CADM2: variants seen among roughly 807,000 people sequenced by gnomAD.
CADM2 encodes immunoglobulin superfamily member 4D.
CADM2 carries 12 observed loss-of-function variants against 49.8 expected under a neutral mutation model. The observed-to-expected ratio is 0.24, with a 90% CI of 0.15 to 0.39. The LOEUF (loss-of-function observed/expected upper bound fraction) is 0.39. Among genes scored for constraint, CADM2 ranks in the 10% least tolerant of loss-of-function variants. The pLI, the probability that CADM2 is intolerant of heterozygous loss-of-function variation, is 1.00. For synonymous variants in CADM2, 214 were observed against 175.4 expected (o/e 1.22, Z -1.74); for missense variants, 378 against 492.3 (o/e 0.77, Z 2.20).
intron 1 of CADM2, among the ~76,000 whole-genome samples, chr3:85,260,895 A>T (rs1297441903): frequency 6.6e-6 from 1 of 152,156 alleles, no homozygotes; most frequent in Non-Finnish European, 1.5e-5. Context: ...ATCCGTGAGG[A>T]TATCTCTAAT....
intron 1 of CADM2, among the ~76,000 whole-genome samples, chr3:85,033,197 T>G (rs951695428): frequency 5.3e-5 from 8 of 152,218 alleles, no homozygotes; most frequent in Non-Finnish European, 8.8e-5. Context: ...AATTAACTAG[T>G]TGTGAGGACA....
At chr3:85,230,264 A>C (rs371870517) in intron 1 of CADM2, among the ~76,000 whole-genome samples, 1 of 152,116 alleles carries the variant, frequency 6.6e-6, no homozygotes, top group Non-Finnish European at 1.5e-5. Flanking sequence ...TATTATTTGG[A>C]TGGATGTGGA....
At chr3:85,769,784 G>A (rs922886397) in intron 2 of CADM2, among the ~76,000 whole-genome samples, 9 of 150,760 alleles carry the variant, frequency 6.0e-5, no homozygotes, top group Admixed American at 3.3e-4. Flanking sequence ...TTGGTTTTGC[G>A]TGATTTTGAC....
intron 1 of CADM2, among the ~76,000 whole-genome samples, chr3:85,608,425 T>A (rs59920168): frequency 0.042 from 6,433 of 152,192 alleles, 453 homozygotes; most frequent in African/African-American, 0.15. Flanking sequence ...AAAGGCTTAT[T>A]TTTGTTTACA....
At chr3:85,086,189 C>G (rs2037366351) in intron 1 of CADM2, among the ~76,000 whole-genome samples, 1 of 152,030 alleles carries the variant, frequency 6.6e-6, no homozygotes, top group African/African-American at 2.4e-5. Context: ...TAAAAATTCT[C>G]AAGAATAGGC....
intron 1 of CADM2, among the ~76,000 whole-genome samples, chr3:85,601,126 G>A (rs1388626426): frequency 1.0e-4 from 4 of 39,010 alleles, no homozygotes; most frequent in South Asian, 1.1e-3. Flanking sequence ...ATTTATATAT[G>A]TGTGTATATA....
At chr3:85,149,008 C>T (rs765216915) in intron 1 of CADM2, among the ~76,000 whole-genome samples, 29 of 151,686 alleles carry the variant, frequency 1.9e-4, no homozygotes, top group African/African-American at 6.3e-4. Flanking sequence ...TCTCCCAATA[C>T]GTGACTGTCT....
intron 1 of CADM2, among the ~76,000 whole-genome samples, chr3:85,100,741 A>C (rs775815315): frequency 1.3e-5 from 2 of 152,244 alleles, no homozygotes; most frequent in Non-Finnish European, 2.9e-5. Flanking sequence ...GAATTATCAC[A>C]GATAAAGAGA....
At chr3:85,029,670 A>T (rs2034892310) in intron 1 of CADM2, among the ~76,000 whole-genome samples, 1 of 152,168 alleles carries the variant, frequency 6.6e-6, no homozygotes, top group African/African-American at 2.4e-5. Flanking sequence ...AAAGAGTGAG[A>T]GGCTTTTATC....
rs2039479171 is a variant in CADM2, at chr3:85,487,623, T to TGGAGGAGGAGGACGAAGAGGAGGA, written c.62-238886_62-238863dup. Among the ~76,000 whole-genome samples, 20 of 122,496 alleles carry TGGAGGAGGAGGACGAAGAGGAGGA rather than the reference T, an allele frequency of 1.6e-4. No individual in the cohort carries two copies. In the South Asian group the frequency reaches 5.4e-3, roughly 33 times the overall value. 80.4% of individuals were successfully genotyped at this position (122,496 alleles called of 152,430 possible). A position where few individuals can be genotyped will look rare whatever the true frequency, so the allele number is the denominator to read the frequency against. ...GAAGTGGAGGAGGAGGAGGAGGAAG[T>TGGAGGAGGAGGACGAAGAGGAGGA]GGAGGAGGAGGACGAAGAGGAGGAG... On this transcript the variant is annotated intron_variant, in intron 1 of 9. Coordinates refer to ENST00000383699, the MANE Select transcript of CADM2 (RefSeq NM_001167675.2).
intron 1 of CADM2, among the ~76,000 whole-genome samples, chr3:85,636,754 T>C (rs779858349): frequency 2.0e-5 from 3 of 152,204 alleles, no homozygotes; most frequent in Non-Finnish European, 4.4e-5. Flanking sequence ...TTGATATTTT[T>C]AAATACACAA....
chr3:85,597,700 C>T (rs1449401), intron 1 of CADM2, among the ~76,000 whole-genome samples: 90,270 of 151,822 alleles, frequency 0.59, 28,308 homozygotes, highest in East Asian at 0.93. Context: ...GTCAAAAGTG[C>T]ATCTTAAAAT....
intron 1 of CADM2, among the ~76,000 whole-genome samples, chr3:85,637,636 T>TAAAATAAAATAAAATA (rs373000793): frequency 3.9e-4 from 57 of 147,642 alleles, no homozygotes; most frequent in South Asian, 6.4e-4. Context: ...TAAAATAAAA[T>TAAAATAAAATAAAATA]AAATAAATAA....
intron 1 of CADM2, among the ~76,000 whole-genome samples, chr3:85,226,576 C>T (rs371122224): frequency 2.0e-5 from 3 of 151,560 alleles, no homozygotes; most frequent in East Asian, 1.9e-4. Flanking sequence ...CCAGCTCCTG[C>T]GTTCATTGAT....
chr3:85,488,132 T>G (rs2039506744), intron 1 of CADM2, among the ~76,000 whole-genome samples: 1 of 152,176 alleles, frequency 6.6e-6, no homozygotes, highest in African/African-American at 2.4e-5. Context: ...TTTTCTGTAT[T>G]CACGTAATGA....
At chr3:85,144,554 G>T (rs1287401219) in intron 1 of CADM2, among the ~76,000 whole-genome samples, 2 of 150,700 alleles carry the variant, frequency 1.3e-5, no homozygotes, top group African/African-American at 4.9e-5. Context: ...GGAGGTTGCA[G>T]TGAGCCAAGA....
intron 8 of CADM2, among the ~76,000 whole-genome samples, chr3:86,008,248 G>C (rs1165791572): frequency 6.6e-6 from 1 of 152,104 alleles, no homozygotes; most frequent in African/African-American, 2.4e-5. Flanking sequence ...CGTGCAGCCT[G>C]TTTATTCCTT....
intron 1 of CADM2, among the ~76,000 whole-genome samples, chr3:85,345,095 C>A (rs1353877533): frequency 6.6e-6 from 1 of 151,908 alleles, no homozygotes; most frequent in East Asian, 1.9e-4. Flanking sequence ...GTGAGTGGAT[C>A]ACCTGAGGTC....
intron 1 of CADM2, among the ~76,000 whole-genome samples, chr3:85,725,781 T>A (rs1191440351): frequency 6.6e-6 from 1 of 152,046 alleles, no homozygotes; most frequent in South Asian, 2.1e-4. Context: ...GTCAACCAAG[T>A]ACCAAAATTG....
Sources: allele counts gnomAD v4.1 joint callset (sites outside exome capture counted in the v4.1 genomes callset), GRCh38; gene constraint gnomAD v4.1.1; transcripts MANE v1.5; gene names NCBI Gene and HGNC (gene_info 2026-07-23, HGNC 2026-07-21).